Variants in LAMA2 observed in about 807,000 individuals in gnomAD.
LAMA2 encodes the protein laminin subunit alpha 2, also known as laminin subunit alpha-2.
LAMA2 carries 269 observed loss-of-function variants against 364.8 expected under a neutral mutation model. That is an observed-to-expected ratio of 0.74 (90% CI 0.67 to 0.82). The LOEUF (loss-of-function observed/expected upper bound fraction) is 0.82, where lower values mean the gene tolerates loss of function less well. LAMA2 is among the 40% of genes least tolerant of loss of function. The pLI, the probability that LAMA2 is intolerant of heterozygous loss-of-function variation, is 0.00. For synonymous variants in LAMA2, 1,379 were observed against 1,370.6 expected (o/e 1.01, Z -0.14); for missense variants, 3,807 against 3,873.2 (o/e 0.98, Z 0.45).
chr6:129,123,816 C>T (rs74540123), intron 4 of LAMA2, among the ~76,000 whole-genome samples: 4,359 of 152,156 alleles, frequency 0.029, 187 homozygotes, highest in African/African-American at 0.096. Context: ...TCTACTGTAC[C>T]GCATAGTGCC....
chr6:129,450,987 C>A (rs1424542467), intron 45 of LAMA2, among the ~76,000 whole-genome samples: 1 of 152,168 alleles, frequency 6.6e-6, no homozygotes, highest in Non-Finnish European at 1.5e-5. Flanking sequence ...ATATCTGACA[C>A]CCTTTCCTGA....
chr6:128,886,874 TAC>T (rs1743219582), intron 1 of LAMA2, among the ~76,000 whole-genome samples: 1 of 152,222 alleles, frequency 6.6e-6, no homozygotes. Context: ...TGATCAGATG[TAC>T]AGTTAGTGAG....
At chr6:129,438,411 C>G (rs574614932) in intron 41 of LAMA2, among the ~76,000 whole-genome samples, 110 of 151,784 alleles carry the variant, frequency 7.2e-4, no homozygotes, top group African/African-American at 2.5e-3. Flanking sequence ...GATCAGATAC[C>G]AAGAAGAAAA....
At chr6:129,259,797 G>A (rs1786995292) in intron 14 of LAMA2, among the ~76,000 whole-genome samples, 1 of 151,896 alleles carries the variant, frequency 6.6e-6, no homozygotes, top group Non-Finnish European at 1.5e-5. Flanking sequence ...GGCCTAGAAA[G>A]AATAAGTTAT....
intron 12 of LAMA2, among the ~76,000 whole-genome samples, chr6:129,225,560 C>T (rs1326326933): frequency 6.6e-6 from 1 of 152,170 alleles, no homozygotes; most frequent in East Asian, 1.9e-4. Flanking sequence ...TTTCAAAGAA[C>T]ATCTTTATTC....
At position 129,067,714 on chromosome 6, in the gene LAMA2, C is replaced by T. The variant is rs964446030; in HGVS notation, c.396+7818C>T. ...TCTCTGGCCTCATCTGATCTCTCTT[C>T]CTCAGTTGCCCAGCTGGTCATCCCG... On this transcript the variant is annotated intron_variant, in intron 3 of 64. Transcript: ENST00000421865. Among the ~76,000 whole-genome samples the T allele has an allele frequency of 2.0e-5, 3 of 152,214 alleles. No individual in the cohort carries two copies. The South Asian group carries it at 6.2e-4, about 32-fold the overall frequency.
intron 1 of LAMA2, among the ~76,000 whole-genome samples, chr6:129,046,219 A>T (rs1228559633): frequency 6.6e-6 from 1 of 152,240 alleles, no homozygotes. Flanking sequence ...ACTAACAGTG[A>T]CAAATAAGCA....
At chr6:129,240,115 A>C (rs572870926) in intron 12 of LAMA2, among the ~76,000 whole-genome samples, 8 of 152,330 alleles carry the variant, frequency 5.3e-5, no homozygotes, top group Admixed American at 5.2e-4. Context: ...TCTGATGTTC[A>C]AGGGCAGGAA....
chr6:129,356,705 C>T (rs993121905), intron 32 of LAMA2, among the ~76,000 whole-genome samples: 2 of 151,976 alleles, frequency 1.3e-5, no homozygotes, highest in Non-Finnish European at 2.9e-5. Flanking sequence ...TTACTGCTTC[C>T]ATGTTTAGAG....
At position 129,403,717 on chromosome 6, in the gene LAMA2, T is replaced by C. The variant is rs969293997; in HGVS notation, c.5727-104T>C. 2.0e-5 allele frequency: 20 copies of C among 1,011,580 alleles called. No homozygotes were observed. The African/African-American group carries it at 2.9e-4, about 15-fold the overall frequency. The allele number at this position is 1,011,580 out of a possible 1,614,324, so 62.7% of individuals were successfully genotyped here. ...CTATTATTTGGAATTGTCATAGATATATTGGCCATGATCATTTGGAAGCCA... is the reference window on the plus strand; with the variant it reads ...CTATTATTTGGAATTGTCATAGATACATTGGCCATGATCATTTGGAAGCCA... On this transcript the variant is annotated intron_variant, in intron 39 of 64. Transcript: ENST00000421865.
rs149993931 is a variant in LAMA2 at position 129,300,784 on chromosome 6, G to A, written c.3086G>A (p.Arg1029Gln). 1.4e-5 allele frequency: 22 copies of A among 1,613,172 alleles called. No individual in the cohort carries two copies. Among genetic ancestry groups the A allele is most frequent in the Admixed American group, 1.3e-4 (8 of 60,010 alleles). The change falls in exon 22 of 65, where the codon CGA becomes CAA. Residue 1029 changes from arginine to glutamine, a missense_variant. This residue lies in a region of LAMA2 where 3,333 missense variants were observed against 3,345.7 expected (regional missense o/e 1.00). Transcript: ENST00000421865. ...LGNNCDPKTG[R>Q]CICPPNTIGE... The stretch of plus-strand genomic sequence containing the variant: ...AATAATTGTGACCCAAAGACTGGGC[G>A]ATGCATTTGCCCTCCCAATACCATT...
intron 60 of LAMA2, among the ~76,000 whole-genome samples, 194 bp from the exon 61 acceptor site, chr6:129,505,006 T>C (rs1785941678): frequency 6.6e-6 from 1 of 152,244 alleles, no homozygotes; most frequent in South Asian, 2.1e-4. Context: ...ATAGTAGTCA[T>C]GGAAAAGACA....
chr6:129,326,970 C>A (rs1337989517), intron 28 of LAMA2, among the ~76,000 whole-genome samples: 1 of 150,992 alleles, frequency 6.6e-6, no homozygotes, highest in African/African-American at 2.4e-5. Context: ...AGGACTTATT[C>A]AATAATAATG....
chr6:129,504,171 C>G (rs1785873580), intron 60 of LAMA2, among the ~76,000 whole-genome samples: 1 of 152,114 alleles, frequency 6.6e-6, no homozygotes, highest in Non-Finnish European at 1.5e-5. Context: ...GCGAAGCCAA[C>G]CAATTTGTTA....
rs138695453 is a variant in LAMA2 at position 129,393,127 on chromosome 6, C to T, written c.5317C>T (p.Arg1773Trp). Reference sequence around the variant, plus strand: ...AAATGAAGAAATGGAGAAGGATCTCCGGGAAAAACTGGCTGACTACAAAAA... The same window carrying T: ...AAATGAAGAAATGGAGAAGGATCTCTGGGAAAAACTGGCTGACTACAAAAA... The part of the protein sequence containing the change: ...GENEEMEKDL[R>W]EKLADYKNKV... Residue 1773 changes from arginine (R) to tryptophan (W), a missense_variant, in exon 37 of 65, where the codon CGG becomes TGG. By Grantham distance (101) the Arg-to-Trp change is moderately radical (BLOSUM62 -3). This residue lies in a region of LAMA2 where 3,333 missense variants were observed against 3,345.7 expected (regional missense o/e 1.00). Transcript: ENST00000421865. 142 of 1,613,870 alleles carry T rather than the reference C, an allele frequency of 8.8e-5. No homozygotes were observed. Among genetic ancestry groups the T allele is most frequent in the Admixed American group, 2.3e-4 (14 of 59,998 alleles).
chr6:129,510,493 A>C (rs747271755), intron 62 of LAMA2, among the ~76,000 whole-genome samples: 5 of 152,324 alleles, frequency 3.3e-5, no homozygotes, highest in Non-Finnish European at 5.9e-5. Flanking sequence ...CCGTGGTATC[A>C]TAGAAATACG....
At chr6:129,468,720 T>C (rs1293035802) in intron 51 of LAMA2, among the ~76,000 whole-genome samples, 1 of 151,960 alleles carries the variant, frequency 6.6e-6, no homozygotes. Context: ...AAAATAACCT[T>C]ACTACCTGCT....
At chr6:129,410,301 C>T (rs1264448808) in intron 40 of LAMA2, among the ~76,000 whole-genome samples, 1 of 150,820 alleles carries the variant, frequency 6.6e-6, no homozygotes, top group African/African-American at 2.5e-5. Flanking sequence ...TTAGGCAGTC[C>T]TCAACCTCTC....
chr6:129,069,684 C>A (rs1773176505), intron 3 of LAMA2, among the ~76,000 whole-genome samples: 1 of 147,486 alleles, frequency 6.8e-6, no homozygotes, highest in Non-Finnish European at 1.5e-5. Context: ...TATAATTGTA[C>A]AATAATAATG....
Sources: gnomAD v4.1 joint callset for allele counts (sites outside exome capture counted in the v4.1 genomes callset) on GRCh38, gnomAD v4.1.1 for gene constraint, gnomAD v4.1.1 regional missense constraint, MANE v1.5 for transcripts, NCBI Gene and HGNC (gene_info 2026-07-23, HGNC 2026-07-21) for gene names.